Variants in EYA2 observed in about 807,000 individuals in gnomAD.
The protein encoded by EYA2 is protein phosphatase EYA2.
EYA2 carries 31 observed loss-of-function variants against 69.2 expected under a neutral mutation model. That is an observed-to-expected ratio of 0.45 (90% CI 0.34 to 0.60). EYA2 has a LOEUF of 0.60. Ranked by LOEUF, EYA2 falls within the 20% of genes least tolerant of loss-of-function variation. The pLI is 0.02. For missense variants in EYA2, 622 were observed against 701.2 expected, an observed-to-expected ratio of 0.89 and a Z score of 1.28; for synonymous variants, 257 against 279.4, an observed-to-expected ratio of 0.92 and a Z score of 0.80.
At chr20:47,127,133 C>T (rs1487491606) in intron 9 of EYA2, among the ~76,000 whole-genome samples, 1 of 151,032 alleles carries the variant, frequency 6.6e-6, no homozygotes, top group Non-Finnish European at 1.5e-5. Flanking sequence ...AATTAATTAA[C>T]TTAGTGAATT....
intron 1 of EYA2, among the ~76,000 whole-genome samples, chr20:46,905,859 G>A (rs965180061): frequency 6.6e-6 from 1 of 152,170 alleles, no homozygotes; most frequent in Admixed American, 6.5e-5. Flanking sequence ...AGGGTACTGT[G>A]GAATTGGACC....
chr20:47,148,391 A>C (rs1251676033), intron 10 of EYA2, among the ~76,000 whole-genome samples: 1 of 152,232 alleles, frequency 6.6e-6, no homozygotes, highest in Admixed American at 6.5e-5. Context: ...TACAGGGGCT[A>C]CATGTGTCCC....
intron 10 of EYA2, among the ~76,000 whole-genome samples, chr20:47,155,146 G>A (rs552331947): frequency 8.8e-4 from 134 of 151,986 alleles, no homozygotes; most frequent in Middle Eastern, 3.4e-3. Flanking sequence ...GTGAGCCGCC[G>A]CACCTGGCCA....
intron 5 of EYA2, among the ~76,000 whole-genome samples, chr20:47,042,636 C>T (rs943027954): frequency 1.8e-4 from 27 of 152,206 alleles, no homozygotes; most frequent in Admixed American, 9.2e-4. Flanking sequence ...GCACCTGGCA[C>T]GCATTATCAG....
intron 5 of EYA2, among the ~76,000 whole-genome samples, chr20:47,035,856 A>G (rs1369889884): frequency 4.0e-5 from 6 of 151,176 alleles, no homozygotes; most frequent in Admixed American, 4.0e-4. Flanking sequence ...AAAAAAAAAG[A>G]AAAAGGGGGC....
intron 2 of EYA2, among the ~76,000 whole-genome samples, chr20:46,990,407 G>A (rs775198705): frequency 6.6e-5 from 10 of 152,154 alleles, no homozygotes; most frequent in South Asian, 2.1e-4. Context: ...ACTTTGGGGC[G>A]TGTCCCAGGC....
At chr20:47,114,083 C>CA (rs1395487976) in intron 9 of EYA2, among the ~76,000 whole-genome samples, 4 of 152,168 alleles carry the variant, frequency 2.6e-5, no homozygotes, top group Non-Finnish European at 4.4e-5. Flanking sequence ...GGGCAGAACT[C>CA]ACAGGCAGCC....
At chr20:47,134,601 C>T (rs1337059050) in intron 9 of EYA2, among the ~76,000 whole-genome samples, 1 of 152,090 alleles carries the variant, frequency 6.6e-6, no homozygotes, top group African/African-American at 2.4e-5. Context: ...AACACACACA[C>T]ACCCCAACTG....
chr20:47,150,482 C>A (rs577751180), intron 10 of EYA2, among the ~76,000 whole-genome samples: 36 of 150,534 alleles, frequency 2.4e-4, no homozygotes, highest in Non-Finnish European at 4.0e-4. Flanking sequence ...CCCCCACCCC[C>A]CGAAAGACAG....
intron 1 of EYA2, among the ~76,000 whole-genome samples, chr20:46,898,366 G>A (rs971734612): frequency 7.4e-5 from 11 of 149,200 alleles, no homozygotes; most frequent in African/African-American, 2.7e-4. Context: ...TAATCCCAGA[G>A]TTAAGAAAAC....
chr20:46,895,523 C>T (rs1046557286), intron 1 of EYA2, among the ~76,000 whole-genome samples: 8 of 152,208 alleles, frequency 5.3e-5, no homozygotes, highest in Admixed American at 6.5e-5. Flanking sequence ...TCCGTTTGCG[C>T]TCGGCCCGCT....
rs188576776 is a variant in EYA2 at position 47,144,448 on chromosome 20, C to T, written c.978+1300C>T. Among the ~76,000 whole-genome samples the T allele has an allele frequency of 6.3e-4, 95 of 151,848 alleles. 1 individual carries two copies. Among genetic ancestry groups the T allele is most frequent in the African/African-American group, 2.2e-3 (91 of 41,432 alleles). ...TTCTCTTAGTAGGAATATTTTTTCC[C>T]GGAATCTGGAATATCCCTGGGGACT... On this transcript the variant is annotated intron_variant, in intron 10 of 15. Transcript: ENST00000327619.
intron 1 of EYA2, among the ~76,000 whole-genome samples, chr20:46,975,438 A>ATTG (rs1980401641): frequency 6.6e-6 from 1 of 152,136 alleles, no homozygotes; most frequent in Non-Finnish European, 1.5e-5. Context: ...GGGAGGCCAA[A>ATTG]GCAGGAGGAT....
At chr20:46,915,166 G>A (rs896708432) in intron 1 of EYA2, among the ~76,000 whole-genome samples, 41 of 152,224 alleles carry the variant, frequency 2.7e-4, no homozygotes, top group Admixed American at 3.9e-4. Context: ...GCAGAACAGT[G>A]TGTACTCGCA....
intron 1 of EYA2, among the ~76,000 whole-genome samples, chr20:46,926,920 G>A (rs896605472): frequency 1.3e-5 from 2 of 152,148 alleles, no homozygotes; most frequent in Admixed American, 6.5e-5. Flanking sequence ...CTCCTTCTTA[G>A]TTATTCTGGG....
At chr20:47,147,733 C>T (rs1464710977) in intron 10 of EYA2, among the ~76,000 whole-genome samples, 3 of 152,152 alleles carry the variant, frequency 2.0e-5, no homozygotes, top group African/African-American at 7.2e-5. Context: ...CTTCCAGACT[C>T]CCAGGGGAAA....
At chr20:47,141,114 A>C (rs75837243) in intron 9 of EYA2, among the ~76,000 whole-genome samples, 2,619 of 152,304 alleles carry the variant, frequency 0.017, 111 homozygotes, top group East Asian at 0.16. Flanking sequence ...GAACAAACCA[A>C]ATCCAAACCA....
intron 9 of EYA2, among the ~76,000 whole-genome samples, chr20:47,123,265 T>G (rs1223141927): frequency 6.6e-6 from 1 of 152,170 alleles, no homozygotes; most frequent in Non-Finnish European, 1.5e-5. Flanking sequence ...AATTAACATA[T>G]CCACCATCGC....
At chr20:47,171,412 T>A (rs1208672450) in intron 11 of EYA2, among the ~76,000 whole-genome samples, 1 of 152,232 alleles carries the variant, frequency 6.6e-6, no homozygotes, top group African/African-American at 2.4e-5. Flanking sequence ...TGTTTTGTTT[T>A]GTTTTTTTCA....
Sources: allele counts gnomAD v4.1 joint callset (sites outside exome capture counted in the v4.1 genomes callset), GRCh38; gene constraint gnomAD v4.1.1; transcripts MANE v1.5; gene names NCBI Gene and HGNC (gene_info 2026-07-23, HGNC 2026-07-21).